FRMD4B: variants seen among roughly 807,000 people sequenced by gnomAD.
FRMD4B encodes the protein FERM domain-containing protein 4B.
A neutral mutation model predicts 141.5 loss-of-function variants in FRMD4B; 74 were observed. The ratio of observed to expected loss-of-function variants is 0.52; its 90% CI spans 0.43 to 0.63. The LOEUF (loss-of-function observed/expected upper bound fraction) is 0.63, where lower values mean the gene tolerates loss of function less well. Among genes scored for constraint, FRMD4B ranks in the 30% least tolerant of loss-of-function variants. FRMD4B has a pLI of 0.00. For synonymous variants in FRMD4B, 506 were observed against 467.9 expected, an observed-to-expected ratio of 1.08 and a Z score of -1.05; for missense variants, 1,366 against 1,253.4, an observed-to-expected ratio of 1.09 and a Z score of -1.36.
chr3:69,512,821 CA>C (rs1180561450), intron 1 of FRMD4B, among the ~76,000 whole-genome samples: 1 of 151,622 alleles, frequency 6.6e-6, no homozygotes, highest in Admixed American at 6.6e-5. Context: ...ACCAATGGGT[CA>C]AAAAAGACAT....
At chr3:69,205,326 C>A (rs1275970549) in intron 11 of FRMD4B, among the ~76,000 whole-genome samples, 1 of 151,942 alleles carries the variant, frequency 6.6e-6, no homozygotes, top group East Asian at 1.9e-4. Context: ...TGCTACCACA[C>A]CTGACTATAT....
At position 69,423,499 on chromosome 3, in the gene FRMD4B, T is replaced by C. The variant is rs1380377413; in HGVS notation, c.-1+9135A>G. On this transcript the variant is annotated intron_variant, in intron 2 of 5. Coordinates refer to the FRMD4B transcript ENST00000459638. ...TAGCAACCTGTTTTACACATGTTGG[T>C]GCTTTTGGTTGGTGATTTTGCTGTT... is the stretch of plus-strand genomic sequence containing the variant. Among the ~76,000 whole-genome samples, 3 of 152,318 alleles carry C rather than the reference T, an allele frequency of 2.0e-5. No individual in the cohort carries two copies. The East Asian group carries it at 5.8e-4, about 29-fold the overall frequency.
At chr3:69,425,952 G>A (rs1021937220) in intron 2 of FRMD4B, among the ~76,000 whole-genome samples, 7 of 152,074 alleles carry the variant, frequency 4.6e-5, no homozygotes, top group South Asian at 2.1e-4. Flanking sequence ...GAAATGAACC[G>A]TCAGGTGATA....
At chr3:69,222,793 C>G (rs1384779203) in intron 8 of FRMD4B, among the ~76,000 whole-genome samples, 2 of 49,088 alleles carry the variant, frequency 4.1e-5, no homozygotes, top group Non-Finnish European at 9.9e-5. Context: ...ACTTAATTTA[C>G]TAGAAAAGGA....
At chr3:69,353,231 G>T (rs1383869029) in intron 1 of FRMD4B, among the ~76,000 whole-genome samples, 1 of 152,164 alleles carries the variant, frequency 6.6e-6, no homozygotes, top group East Asian at 1.9e-4. Context: ...AAGGAGCAAA[G>T]ATAGCATTAA....
intron 7 of FRMD4B, among the ~76,000 whole-genome samples, 177 bp from the exon 8 acceptor site, chr3:69,224,867 A>T (rs139253368): frequency 0.012 from 1,789 of 149,648 alleles, 84 homozygotes; most frequent in Admixed American, 0.078. Context: ...GAGTTATATG[A>T]TGAGATGTTG....
intron 1 of FRMD4B, among the ~76,000 whole-genome samples, chr3:69,329,870 C>A (rs1044495542): frequency 7.9e-5 from 12 of 152,060 alleles, no homozygotes; most frequent in Non-Finnish European, 1.6e-4. Context: ...GTACAATAAA[C>A]CCCTATGACA....
chr3:69,409,411 C>G (rs980971673), intron 2 of FRMD4B, among the ~76,000 whole-genome samples: 1 of 152,162 alleles, frequency 6.6e-6, no homozygotes, highest in Non-Finnish European at 1.5e-5. Flanking sequence ...CTTACAATGA[C>G]CCAGTAGAAG....
At chr3:69,211,263 A>G (rs2107706986) in intron 11 of FRMD4B, among the ~76,000 whole-genome samples, 1 of 152,278 alleles carries the variant, frequency 6.6e-6, no homozygotes, top group East Asian at 1.9e-4. Flanking sequence ...TGTGCAGATG[A>G]GAAAACCACT....
intron 1 of FRMD4B, among the ~76,000 whole-genome samples, chr3:69,488,890 C>CA (rs1706261392): frequency 1.8e-5 from 1 of 55,834 alleles, no homozygotes; most frequent in Admixed American, 2.7e-4. Context: ...GAGACTCCAT[C>CA]TAAAAAAAAA....
At chr3:69,207,897 T>C (rs904473981) in intron 11 of FRMD4B, among the ~76,000 whole-genome samples, 3 of 152,058 alleles carry the variant, frequency 2.0e-5, no homozygotes, top group Non-Finnish European at 4.4e-5. Context: ...CTTCCATTTC[T>C]ACACGGAACT....
At chr3:69,363,659 G>A (rs1025664172) in intron 1 of FRMD4B, among the ~76,000 whole-genome samples, 2 of 152,132 alleles carry the variant, frequency 1.3e-5, no homozygotes, top group African/African-American at 4.8e-5. Context: ...AAAGTGCTAG[G>A]ATTACAGGCG....
chr3:69,302,227 C>A, intron 4 of FRMD4B, 116 bp downstream of exon 4: 1 of 673,706 alleles, frequency 1.5e-6, no homozygotes, highest in Non-Finnish European at 2.7e-6. Flanking sequence ...GGTCTCTTCT[C>A]TTTTTATTTG....
chr3:69,330,944 A>G (rs571882993), intron 1 of FRMD4B, among the ~76,000 whole-genome samples: 4 of 152,278 alleles, frequency 2.6e-5, no homozygotes, highest in African/African-American at 9.6e-5. Context: ...ATTTGAGCAC[A>G]TGTCATTATG....
chr3:69,386,561 A>AAG (rs1353547844), upstream of FRMD4B, among the ~76,000 whole-genome samples: 1 of 128,972 alleles, frequency 7.8e-6, no homozygotes, highest in East Asian at 2.4e-4. Context: ...ACAGATGCAG[A>AAG]AGAGAGAGAG....
At chr3:69,381,623 C>G (rs1169583319) in intron 1 of FRMD4B, among the ~76,000 whole-genome samples, 1 of 152,196 alleles carries the variant, frequency 6.6e-6, no homozygotes, top group Non-Finnish European at 1.5e-5. Context: ...TGCAGTGGAA[C>G]AATCCCCTCT....
At chr3:69,421,759 A>G (rs1704985676) in intron 2 of FRMD4B, among the ~76,000 whole-genome samples, 1 of 152,234 alleles carries the variant, frequency 6.6e-6, no homozygotes, top group African/African-American at 2.4e-5. Flanking sequence ...ATTGGATAAC[A>G]CAGATCTGAA....
intron 1 of FRMD4B, among the ~76,000 whole-genome samples, chr3:69,501,366 A>T (rs1295021877): frequency 2.8e-4 from 42 of 151,802 alleles, no homozygotes; most frequent in Admixed American, 2.8e-3. Flanking sequence ...TATATGTATT[A>T]CCATATTAAT....
intron 7 of FRMD4B, among the ~76,000 whole-genome samples, chr3:69,246,454 CA>C (rs1385102375): frequency 6.6e-6 from 1 of 151,848 alleles, no homozygotes; most frequent in African/African-American, 2.4e-5. Flanking sequence ...TGCTCTATCT[CA>C]AAAATAAACA....
Sources: gnomAD v4.1 joint callset for allele counts (sites outside exome capture counted in the v4.1 genomes callset) on GRCh38, gnomAD v4.1.1 for gene constraint, MANE v1.5 for transcripts, NCBI Gene and HGNC (gene_info 2026-07-23, HGNC 2026-07-21) for gene names.